NPTN: variants seen among roughly 807,000 people sequenced by gnomAD.
The protein encoded by NPTN is neuroplastin, also known as SDR-1.
A neutral mutation model predicts 42.7 loss-of-function variants in NPTN; 5 were observed. The observed-to-expected ratio is 0.12, with a 90% CI of 0.06 to 0.25. The LOEUF (loss-of-function observed/expected upper bound fraction) is 0.25, where lower values mean the gene tolerates loss of function less well. Among genes scored for constraint, NPTN ranks in the 10% least tolerant of loss-of-function variants. The pLI is 1.00. For synonymous variants in NPTN, 180 were observed against 201.9 expected, an observed-to-expected ratio of 0.89 and a Z score of 0.92; for missense variants, 307 against 525.4, an observed-to-expected ratio of 0.58 and a Z score of 4.06.
intron 3 of NPTN, 31 bp from the exon 4 acceptor site, chr15:73,587,649 G>A (rs1176386526): frequency 6.8e-7 from 1 of 1,464,084 alleles, no homozygotes; most frequent in Non-Finnish European, 9.6e-7. Flanking sequence ...ACCAAGTGAG[G>A]AAACTGGGAA....
chr15:73,611,608 A>T (rs530273997), intron 1 of NPTN, among the ~76,000 whole-genome samples: 1 of 152,332 alleles, frequency 6.6e-6, no homozygotes, highest in African/African-American at 2.4e-5. Context: ...GGAGGGATGA[A>T]GAGGTAGTAC....
At position 73,569,877 on chromosome 15, in the gene NPTN, G is replaced by A; in HGVS notation, c.1114+273C>T. ...CCATTCACCACATGGGGCCTGAAAG[G>A]CAGATGGGACTAGGGTTTGGAAAAC... On this transcript the variant is annotated intron_variant, in intron 6 of 8. Transcript: ENST00000345330. The surrounding 1 kb of genome is among the most constrained non-coding windows in gnomAD (Gnocchi z 4.1). 3 of 927,778 alleles carry A rather than the reference G, an allele frequency of 3.2e-6. No homozygotes were observed. Among genetic ancestry groups the A allele is most frequent in the Non-Finnish European group, 3.9e-6 (3 of 777,534 alleles). The allele number at this position is 927,778 out of a possible 1,614,324, so 57.5% of individuals were successfully genotyped here.
chr15:73,584,358 G>A (rs917024734), intron 4 of NPTN, among the ~76,000 whole-genome samples: 3 of 151,926 alleles, frequency 2.0e-5, no homozygotes, highest in Admixed American at 6.6e-5. Flanking sequence ...AAATGATACC[G>A]GGATTTTTAA....
intron 1 of NPTN, among the ~76,000 whole-genome samples, chr15:73,604,493 C>T (rs986774603): frequency 2.6e-5 from 4 of 152,172 alleles, no homozygotes; most frequent in Non-Finnish European, 4.4e-5. Flanking sequence ...AATCTCTCAA[C>T]TCAGAAAAAT....
At chr15:73,567,310 T>C (rs779279019) in intron 6 of NPTN, 17 of 985,250 alleles carry the variant, frequency 1.7e-5, no homozygotes, top group African/African-American at 5.2e-5. Flanking sequence ...AGTAGAAGTA[T>C]GGCAGGCCTA....
chr15:73,598,615 G>A (rs183053834), intron 1 of NPTN, among the ~76,000 whole-genome samples: 4 of 152,242 alleles, frequency 2.6e-5, no homozygotes, highest in Admixed American at 6.5e-5. Flanking sequence ...GACAGTATCC[G>A]AAGGTATAAA....
chr15:73,561,221 A>G (rs1289282071), intron 8 of NPTN, among the ~76,000 whole-genome samples, 173 bp from the exon 9 acceptor site: 1 of 152,244 alleles, frequency 6.6e-6, no homozygotes, highest in East Asian at 1.9e-4. Flanking sequence ...CTACCTGGCC[A>G]TTCTTGTCTT....
At chr15:73,627,127 C>T (rs1377398606) in intron 1 of NPTN, among the ~76,000 whole-genome samples, 1 of 152,134 alleles carries the variant, frequency 6.6e-6, no homozygotes, top group Admixed American at 6.6e-5. Flanking sequence ...CCCAGCTACT[C>T]AGGAAGCTGA....
intron 1 of NPTN, among the ~76,000 whole-genome samples, chr15:73,598,271 AATT>A (rs1896918845): frequency 6.6e-6 from 1 of 152,154 alleles, no homozygotes; most frequent in African/African-American, 2.4e-5. Flanking sequence ...CATACAGTTG[AATT>A]GCCTGGCTTC....
intron 1 of NPTN, among the ~76,000 whole-genome samples, chr15:73,626,458 A>G (rs146098023): frequency 4.6e-4 from 70 of 152,364 alleles, no homozygotes; most frequent in African/African-American, 1.6e-3. Context: ...TGAGCCTTTA[A>G]CCTATTGGAG....
Position 73,570,644 on chromosome 15 carries a change from G to A in NPTN, c.841-221C>T, listed in dbSNP as rs1369623660. 2.0e-5 allele frequency among the ~76,000 whole-genome samples: 3 copies of A among 152,210 alleles called. No homozygotes were observed. The highest frequency in any genetic ancestry group is 2.9e-5 in the Non-Finnish European group (2 of 68,034). On this transcript the variant is annotated intron_variant, in intron 5 of 8. Transcript: ENST00000345330. The surrounding 1 kb of genome is among the most constrained non-coding windows in gnomAD (Gnocchi z 4.0). ...TACCATCGGTCCTCCAGACTTCCCC[G>A]ACTTCCACGAAGTGAGTGCAGGTCC...
intron 1 of NPTN, among the ~76,000 whole-genome samples, chr15:73,624,515 C>A (rs2141475756): frequency 6.6e-6 from 1 of 152,330 alleles, no homozygotes; most frequent in South Asian, 2.1e-4. Context: ...CACATTCCTT[C>A]AATCTATGAA....
intron 4 of NPTN, among the ~76,000 whole-genome samples, chr15:73,578,743 C>T (rs967392180): frequency 1.3e-5 from 2 of 152,246 alleles, no homozygotes; most frequent in South Asian, 4.1e-4. Flanking sequence ...CCTGTAATCC[C>T]AGCACTTTGG....
At chr15:73,608,097 T>C (rs1391856033) in intron 1 of NPTN, among the ~76,000 whole-genome samples, 1 of 152,230 alleles carries the variant, frequency 6.6e-6, no homozygotes, top group Non-Finnish European at 1.5e-5. Flanking sequence ...AAAAACTGTG[T>C]CACTATGATT....
chr15:73,581,852 T>G (rs1041604213), intron 4 of NPTN, among the ~76,000 whole-genome samples: 1 of 152,142 alleles, frequency 6.6e-6, no homozygotes, highest in Non-Finnish European at 1.5e-5. Flanking sequence ...TTTTTTCTTT[T>G]TAGACAGAGT....
intron 2 of NPTN, among the ~76,000 whole-genome samples, chr15:73,595,760 T>G (rs957601556): frequency 6.6e-6 from 1 of 152,224 alleles, no homozygotes; most frequent in Admixed American, 6.5e-5. Context: ...CCAGGTTTGA[T>G]GTGGGGCCAG....
intron 4 of NPTN, among the ~76,000 whole-genome samples, chr15:73,576,378 G>A (rs561461466): frequency 4.6e-5 from 7 of 152,322 alleles, no homozygotes; most frequent in African/African-American, 1.7e-4. Context: ...GGCCAGGCTG[G>A]AATGCAGTGG....
chr15:73,588,422 C>G (rs1317664629), intron 3 of NPTN, among the ~76,000 whole-genome samples: 2 of 152,116 alleles, frequency 1.3e-5, no homozygotes, highest in African/African-American at 2.4e-5. Flanking sequence ...AGGACCCAGG[C>G]ACAGTTTAAA....
At chr15:73,564,022 A>G (rs1284239739) in intron 6 of NPTN, among the ~76,000 whole-genome samples, 1 of 152,210 alleles carries the variant, frequency 6.6e-6, no homozygotes, top group Non-Finnish European at 1.5e-5. Flanking sequence ...ACTTTTTTAA[A>G]ATCAAAAAGC....
Sources: allele counts gnomAD v4.1 joint callset (sites outside exome capture counted in the v4.1 genomes callset), GRCh38; gene constraint gnomAD v4.1.1; non-coding constraint Gnocchi (gnomAD v3.1); transcripts MANE v1.5; gene names NCBI Gene and HGNC (gene_info 2026-07-23, HGNC 2026-07-21).